MAP3K13: variants seen among roughly 807,000 people sequenced by gnomAD.
The protein encoded by MAP3K13 is leucine zipper-bearing kinase.
Under a neutral mutation model 104.0 loss-of-function variants are expected in MAP3K13, and 52 were observed. The ratio of observed to expected loss-of-function variants is 0.50; its 90% confidence interval spans 0.40 to 0.63. The LOEUF (loss-of-function observed/expected upper bound fraction) is 0.63, where lower values mean the gene tolerates loss of function less well. Among genes scored for constraint, MAP3K13 ranks in the 20% least tolerant of loss-of-function variants. The probability of loss-of-function intolerance (pLI) is 0.00; values close to 1 mark genes in which losing one functional copy is unlikely to be tolerated. For synonymous variants in MAP3K13, 394 were observed against 442.2 expected, an observed-to-expected ratio of 0.89 and a Z score of 1.37; for missense variants, 914 against 1,218.5, an observed-to-expected ratio of 0.75 and a Z score of 3.72.
chr3:185,375,268 G>T (rs1282188176), intron 1 of MAP3K13, among the ~76,000 whole-genome samples: 1 of 152,200 alleles, frequency 6.6e-6, no homozygotes, highest in African/African-American at 2.4e-5. Flanking sequence ...TTAGTTTCCT[G>T]ACACGAGGCA....
chr3:185,304,873 C>A (rs1721228531), intron 2 of MAP3K13, among the ~76,000 whole-genome samples: 1 of 152,098 alleles, frequency 6.6e-6, no homozygotes, highest in African/African-American at 2.4e-5. Flanking sequence ...ACTTTGTGAT[C>A]CGCCCCCTTC....
intron 2 of MAP3K13, among the ~76,000 whole-genome samples, chr3:185,309,512 C>CAAA (rs66889332): frequency 9.5e-5 from 10 of 105,780 alleles, no homozygotes; most frequent in African/African-American, 3.1e-4. Flanking sequence ...CCTTGTCTCA[C>CAAA]AAAAAAAAAA....
At chr3:185,322,481 T>C (rs1233111864) in intron 2 of MAP3K13, among the ~76,000 whole-genome samples, 1 of 152,236 alleles carries the variant, frequency 6.6e-6, no homozygotes, top group Non-Finnish European at 1.5e-5. Context: ...CTTTTCAAAA[T>C]CCTCTGTCCA....
intron 2 of MAP3K13, among the ~76,000 whole-genome samples, chr3:185,316,027 G>T (rs991285840): frequency 6.6e-6 from 1 of 152,038 alleles, no homozygotes; most frequent in South Asian, 2.1e-4. Flanking sequence ...GGCAAAGTGC[G>T]TCTTGATTTT....
intron 2 of MAP3K13, among the ~76,000 whole-genome samples, chr3:185,335,144 A>G (rs1722435962): frequency 6.6e-6 from 1 of 152,198 alleles, no homozygotes; most frequent in Non-Finnish European, 1.5e-5. Flanking sequence ...ACTTATTGCA[A>G]GAACTTCTTA....
intron 1 of MAP3K13, among the ~76,000 whole-genome samples, chr3:185,389,432 T>A (rs1449758331): frequency 6.6e-6 from 1 of 152,162 alleles, no homozygotes; most frequent in Non-Finnish European, 1.5e-5. Flanking sequence ...AGTCTGAGCA[T>A]AATGCATCAC....
At chr3:185,311,798 C>G (rs1274031291) in intron 2 of MAP3K13, among the ~76,000 whole-genome samples, 1 of 152,064 alleles carries the variant, frequency 6.6e-6, no homozygotes, top group Non-Finnish European at 1.5e-5. Context: ...CCCAAGTAAT[C>G]TACAAAAATG....
At chr3:185,359,001 T>C (rs1723490926), upstream of MAP3K13, among the ~76,000 whole-genome samples, 1 of 152,200 alleles carries the variant, frequency 6.6e-6, no homozygotes, top group Non-Finnish European at 1.5e-5. Context: ...GTTGGGTCAC[T>C]AATAGATATT....
intron 8 of MAP3K13, 150 bp downstream of exon 8, chr3:185,463,809 G>A (rs1314395915): frequency 3.9e-6 from 2 of 510,858 alleles, no homozygotes; most frequent in African/African-American, 3.8e-5. Flanking sequence ...CCAAAAGTTA[G>A]CCTTCCTTTG....
intron 1 of MAP3K13, among the ~76,000 whole-genome samples, chr3:185,417,080 A>G (rs1192257253): frequency 6.6e-6 from 1 of 152,202 alleles, no homozygotes; most frequent in Non-Finnish European, 1.5e-5. Flanking sequence ...GTTACAAAAT[A>G]AAAGGAAAAG....
intron 7 of MAP3K13, among the ~76,000 whole-genome samples, chr3:185,457,645 G>A (rs1716845077): frequency 1.3e-5 from 2 of 152,162 alleles, no homozygotes; most frequent in African/African-American, 4.8e-5. Flanking sequence ...TGAATTTGGA[G>A]GGAACACAAA....
chr3:185,292,469 A>G (rs1720777782), intron 2 of MAP3K13: 2 of 176,218 alleles, frequency 1.1e-5, no homozygotes, highest in African/African-American at 4.8e-5. Context: ...GGTATATGGT[A>G]ACTGAGAAAG....
At chr3:185,429,130 C>A in intron 2 of MAP3K13, 74 bp downstream of exon 2, 1 of 1,407,788 alleles carries the variant, frequency 7.1e-7, no homozygotes, top group Non-Finnish European at 9.8e-7. Flanking sequence ...CCACCATTAG[C>A]TGGATAACCT....
At chr3:185,389,151 C>A (rs6784993) in intron 1 of MAP3K13, among the ~76,000 whole-genome samples, 4,018 of 152,170 alleles carry the variant, frequency 0.026, 177 homozygotes, top group African/African-American at 0.092. Flanking sequence ...TAAAGGTAAA[C>A]TAGGTACTTA....
At chr3:185,466,758 G>C in intron 9 of MAP3K13, 68 bp from the exon 10 acceptor site, 1 of 1,561,668 alleles carries the variant, frequency 6.4e-7, no homozygotes, top group East Asian at 2.2e-5. Context: ...GAATTAGCCG[G>C]TGAAAATATT....
intron 1 of MAP3K13, among the ~76,000 whole-genome samples, chr3:185,371,749 A>G: frequency 6.6e-6 from 1 of 152,194 alleles, no homozygotes; most frequent in East Asian, 1.9e-4. Context: ...TTTCCACCTT[A>G]AACAGAAGGG....
chr3:185,443,768 G>A, intron 4 of MAP3K13, 132 bp downstream of exon 4: 1 of 710,888 alleles, frequency 1.4e-6, no homozygotes, highest in Non-Finnish European at 2.4e-6. Context: ...GGGTAATTCT[G>A]TTTGCGCATC....
intron 1 of MAP3K13, among the ~76,000 whole-genome samples, chr3:185,411,850 T>G (rs1324797482): frequency 6.7e-6 from 1 of 150,046 alleles, no homozygotes; most frequent in East Asian, 2.0e-4. Flanking sequence ...GGTGGCATGA[T>G]CTCAGCTCAC....
At position 185,295,247 on chromosome 3, in the gene MAP3K13, C is replaced by A. The variant is rs112833671; in HGVS notation, c.-86+9604C>A. ...TTGAGACGGAGTTTTGCTCTGTCGC[C>A]CAGGCTGGAGTGCAGTGGTGCAATC... On this transcript the variant is annotated intron_variant, in intron 2 of 14. Coordinates refer to the MAP3K13 transcript ENST00000424227. 2.2e-4 allele frequency among the ~76,000 whole-genome samples: 34 copies of A among 152,216 alleles called. 1 individual carries two copies. Among genetic ancestry groups the A allele is most frequent in the African/African-American group, 7.2e-4 (30 of 41,522 alleles).
Sources: allele counts gnomAD v4.1 joint callset (sites outside exome capture counted in the v4.1 genomes callset), GRCh38; gene constraint gnomAD v4.1.1; transcripts MANE v1.5; gene names NCBI Gene and HGNC (gene_info 2026-07-23, HGNC 2026-07-21).